Variants in FGF13 observed in about 807,000 individuals in gnomAD.
FGF13 encodes the protein fibroblast growth factor homologous factor 2.
FGF13 carries 2 observed loss-of-function variants against 19.5 expected under a neutral mutation model. The observed-to-expected ratio is 0.10, with a 90% CI of 0.04 to 0.32. The LOEUF (loss-of-function observed/expected upper bound fraction) is 0.32, where lower values mean the gene tolerates loss of function less well. FGF13 is among the 10% of genes least tolerant of loss of function. The pLI is 1.00. For synonymous variants in FGF13, 72 were observed against 76.9 expected (o/e 0.94, Z 0.33); for missense variants, 113 against 192.7 (o/e 0.59, Z 2.45).
At chrX:139,099,100 C>T (rs2083489636) in intron 1 of FGF13, among the ~76,000 whole-genome samples, 1 of 110,446 alleles carries the variant, frequency 9.1e-6, no homozygotes, top group South Asian at 3.9e-4. Flanking sequence ...CATCTCACCT[C>T]GGTTTGCTTC....
chrX:139,203,118 GTCCCCTGCCTTTGCCTTAGTTC>G (rs1459010891), intron 1 of FGF13, among the ~76,000 whole-genome samples: 1 of 112,136 alleles, frequency 8.9e-6, no homozygotes, highest in Non-Finnish European at 1.9e-5. Flanking sequence ...GTGGGGGGGC[GTCCCCTGCCTTTGCCTTAGTTC>G]TCCCCAGCCT....
intron 1 of FGF13, among the ~76,000 whole-genome samples, chrX:138,734,895 T>C (rs938949436): frequency 9.0e-6 from 1 of 111,627 alleles, no homozygotes; most frequent in South Asian, 3.8e-4. Flanking sequence ...TATACATTAA[T>C]GAATTGGGCA....
chrX:139,131,860 T>C (rs909630299), intron 1 of FGF13, among the ~76,000 whole-genome samples: 2 of 112,311 alleles, frequency 1.8e-5, no homozygotes, highest in African/African-American at 6.5e-5. Context: ...ATTTTTCTTA[T>C]TCCTTCCTTT....
At chrX:138,921,370 T>C (rs920511936) in intron 1 of FGF13, among the ~76,000 whole-genome samples, 1 of 112,052 alleles carries the variant, frequency 8.9e-6, no homozygotes, top group South Asian at 3.7e-4. Flanking sequence ...ATTCAGGTGG[T>C]AAATACTACG....
intron 1 of FGF13, among the ~76,000 whole-genome samples, chrX:138,997,584 T>C (rs1214901336): frequency 9.0e-6 from 1 of 111,384 alleles, no homozygotes; most frequent in Non-Finnish European, 1.9e-5. Flanking sequence ...AGGGTATCAG[T>C]GATTGAAGAT....
At chrX:139,045,377 C>T (rs2092284044) in intron 1 of FGF13, among the ~76,000 whole-genome samples, 2 of 112,280 alleles carry the variant, frequency 1.8e-5, no homozygotes, top group African/African-American at 3.3e-5. Context: ...GCCTTTGAGG[C>T]CTTTTCCCCA....
intron 3 of FGF13, among the ~76,000 whole-genome samples, chrX:138,794,947 A>G (rs1467459492): frequency 8.9e-6 from 1 of 112,177 alleles, no homozygotes; most frequent in African/African-American, 3.2e-5. Context: ...CTGACATCTT[A>G]TAGTTTCTCC....
chrX:139,083,656 G>A (rs1205551581), intron 1 of FGF13, among the ~76,000 whole-genome samples: 10 of 111,120 alleles, frequency 9.0e-5, no homozygotes, highest in African/African-American at 3.0e-4. Flanking sequence ...CAGATCAGGA[G>A]GTCAGGAGAT....
chrX:138,870,621 G>C (rs946731486), intron 1 of FGF13, among the ~76,000 whole-genome samples: 1 of 112,603 alleles, frequency 8.9e-6, no homozygotes, highest in Non-Finnish European at 1.9e-5. Context: ...CCTTAGATGG[G>C]GGATATTAGC....
intron 3 of FGF13, among the ~76,000 whole-genome samples, chrX:138,823,830 A>G (rs1050245670): frequency 1.8e-5 from 2 of 111,882 alleles, no homozygotes; most frequent in East Asian, 5.6e-4. Context: ...CCATGCCCAT[A>G]TTATTATATC....
chrX:138,650,408 C>G (rs1207975210), intron 3 of FGF13, among the ~76,000 whole-genome samples: 1 of 111,771 alleles, frequency 8.9e-6, no homozygotes, highest in African/African-American at 3.3e-5. Flanking sequence ...AAACCTAAAA[C>G]CAGATCTTTC....
chrX:139,007,486 T>C (rs1339348001), intron 1 of FGF13, among the ~76,000 whole-genome samples: 2 of 112,335 alleles, frequency 1.8e-5, no homozygotes, highest in Admixed American at 9.4e-5. Flanking sequence ...ATCTGAACTA[T>C]AGACCAAATG....
chrX:139,052,647 A>G (rs2092306151), intron 1 of FGF13, among the ~76,000 whole-genome samples: 1 of 111,247 alleles, frequency 9.0e-6, no homozygotes, highest in Non-Finnish European at 1.9e-5. Context: ...TTGCTTTCTC[A>G]AAACACTCCT....
At chrX:138,658,456 T>C (rs777981508) in intron 3 of FGF13, among the ~76,000 whole-genome samples, 1 of 112,636 alleles carries the variant, frequency 8.9e-6, no homozygotes, top group East Asian at 2.8e-4. Context: ...AAAGTAAACA[T>C]TTTTATTTAT....
intron 3 of FGF13, among the ~76,000 whole-genome samples, chrX:138,697,416 C>T (rs1290871868): frequency 9.1e-6 from 1 of 109,619 alleles, no homozygotes; most frequent in African/African-American, 3.3e-5. Context: ...TGTCTCATTC[C>T]CATGGCATCA....
chrX:138,994,378 G>A (rs749542136), intron 1 of FGF13, among the ~76,000 whole-genome samples: 9 of 110,888 alleles, frequency 8.1e-5, no homozygotes, highest in South Asian at 3.9e-4. Flanking sequence ...CCTTACCTCC[G>A]AATATCATCA....
chrX:139,089,256 G>T (rs2083424660), intron 1 of FGF13, among the ~76,000 whole-genome samples: 1 of 111,970 alleles, frequency 8.9e-6, no homozygotes, highest in Non-Finnish European at 1.9e-5. Context: ...CAGGAAATCA[G>T]GTGGCTCATA....
chrX:139,118,741 C>G (rs1315308882), intron 1 of FGF13, among the ~76,000 whole-genome samples: 1 of 111,708 alleles, frequency 9.0e-6, no homozygotes, highest in Non-Finnish European at 1.9e-5. Context: ...TTTCACCTTC[C>G]TGCCTTTGCC....
chrX:139,074,063 G>T (rs1446192515), intron 1 of FGF13, among the ~76,000 whole-genome samples: 1 of 112,316 alleles, frequency 8.9e-6, no homozygotes, highest in Non-Finnish European at 1.9e-5. Flanking sequence ...CTAAATAAGT[G>T]TATCTGTATT....
Sources: allele counts gnomAD v4.1 joint callset (sites outside exome capture counted in the v4.1 genomes callset), GRCh38; gene constraint gnomAD v4.1.1; transcripts MANE v1.5; gene names NCBI Gene and HGNC (gene_info 2026-07-23, HGNC 2026-07-21).